The following ARHGEF38 variants were observed in gnomAD, a reference collection of about 807,000 sequenced individuals.
The protein encoded by ARHGEF38 is Rho guanine nucleotide exchange factor 38.
In ARHGEF38, 79 loss-of-function variants were observed where a neutral mutation model predicts 79.9. The observed-to-expected ratio is 0.99, with a 90% CI of 0.82 to 1.19. The LOEUF (loss-of-function observed/expected upper bound fraction) is 1.19. Among genes scored for constraint, ARHGEF38 ranks in the 50% most tolerant of loss-of-function variants. The pLI, the probability that ARHGEF38 is intolerant of heterozygous loss-of-function variation, is 0.00. For missense variants in ARHGEF38, 962 were observed against 907.2 expected (o/e 1.06, Z -0.78); for synonymous variants, 366 against 328.3 (o/e 1.11, Z -1.24).
intron 5 of ARHGEF38, among the ~76,000 whole-genome samples, chr4:105,640,075 A>G (rs1036485888): frequency 5.9e-5 from 9 of 151,960 alleles, no homozygotes; most frequent in Non-Finnish European, 4.4e-5. Flanking sequence ...CTTTTTAGAT[A>G]CTATCTTTAA....
At chr4:105,575,778 T>C (rs1208100639) in intron 1 of ARHGEF38, among the ~76,000 whole-genome samples, 7 of 152,170 alleles carry the variant, frequency 4.6e-5, no homozygotes, top group African/African-American at 1.7e-4. Context: ...TTTTTATGCT[T>C]TCAGCCCTAG....
chr4:105,626,981 A>C (rs2110511890), intron 3 of ARHGEF38, among the ~76,000 whole-genome samples: 1 of 151,988 alleles, frequency 6.6e-6, no homozygotes, highest in African/African-American at 2.4e-5. Flanking sequence ...TCAAAAGTAC[A>C]CTGTTATGAG....
At chr4:105,649,023 C>T (rs1729979798) in intron 7 of ARHGEF38, among the ~76,000 whole-genome samples, 2 of 152,152 alleles carry the variant, frequency 1.3e-5, no homozygotes, top group Non-Finnish European at 1.5e-5. Flanking sequence ...TATTCTCCCT[C>T]AAGGCAATGC....
intron 1 of ARHGEF38, among the ~76,000 whole-genome samples, chr4:105,586,000 G>A (rs1263559151): frequency 6.6e-5 from 10 of 151,858 alleles, no homozygotes. Context: ...CAAAGTGTTG[G>A]GATTACAGGC....
intron 2 of ARHGEF38, among the ~76,000 whole-genome samples, chr4:105,601,588 G>A (rs956670432): frequency 6.6e-6 from 1 of 152,104 alleles, no homozygotes; most frequent in African/African-American, 2.4e-5. Context: ...AGAACACATT[G>A]TCCTATGGGA....
chr4:105,599,278 T>A (rs17035915), intron 2 of ARHGEF38, among the ~76,000 whole-genome samples: 18,645 of 152,200 alleles, frequency 0.12, 1,210 homozygotes, highest in Middle Eastern at 0.2. Flanking sequence ...CCTAAGCTCC[T>A]TTTTAGGACA....
intron 4 of ARHGEF38, among the ~76,000 whole-genome samples, chr4:105,633,575 A>G (rs1315704018): frequency 6.6e-6 from 1 of 152,100 alleles, no homozygotes; most frequent in African/African-American, 2.4e-5. Flanking sequence ...GTGCAAGGGG[A>G]TATTGGAAAT....
At position 105,667,305 on chromosome 4, in the gene ARHGEF38, C is replaced by A. The variant is rs759003627; in HGVS notation, c.1866C>A (p.Ser622Arg). 6.5e-7 allele frequency: 1 copy of A among 1,536,088 alleles called. No homozygotes were observed. The highest frequency in any genetic ancestry group is 1.2e-5 in the South Asian group (1 of 83,998). The change falls in exon 12 of 14, where the codon AGC becomes AGA. Residue 622 changes from serine (S) to arginine (R), a missense_variant. Transcript: ENST00000420470. ...AGAAAGATCCACTGGGGAGTACAAG[C>A]AGGTGGCTTGTGGACACAGGAAGTA... ...IEQKDPLGST[S>R]RWLVDTGNVK...
intron 1 of ARHGEF38, among the ~76,000 whole-genome samples, chr4:105,574,706 C>T (rs1201127933): frequency 6.6e-6 from 1 of 151,834 alleles, no homozygotes; most frequent in East Asian, 1.9e-4. Flanking sequence ...CTTTCTATCC[C>T]TTGTTTGTTG....
At chr4:105,569,856 CT>C (rs927907071) in intron 1 of ARHGEF38, 1 of 152,180 alleles carries the variant, frequency 6.6e-6, no homozygotes. Flanking sequence ...AAAATGTTAG[CT>C]TTTATTATCA....
intron 1 of ARHGEF38, among the ~76,000 whole-genome samples, chr4:105,582,328 G>C (rs1355994064): frequency 2.7e-5 from 4 of 149,282 alleles, no homozygotes; most frequent in African/African-American, 9.9e-5. Context: ...ATTTAGTTAA[G>C]AGTCAAATCA....
chr4:105,587,397 C>T (rs778227202), intron 1 of ARHGEF38, among the ~76,000 whole-genome samples: 1 of 152,202 alleles, frequency 6.6e-6, no homozygotes, highest in Non-Finnish European at 1.5e-5. Flanking sequence ...ATATCTCATG[C>T]ATTCATTCTC....
chr4:105,645,964 A>G (rs962624573), intron 6 of ARHGEF38, among the ~76,000 whole-genome samples: 2 of 152,244 alleles, frequency 1.3e-5, no homozygotes, highest in Non-Finnish European at 2.9e-5. Flanking sequence ...TAAAATTTCA[A>G]AACAGAAGGG....
chr4:105,679,958 G>A lies in ARHGEF38; in HGVS notation c.*2021G>A. On this transcript the variant is annotated 3_prime_UTR_variant, in exon 14 of 14. Coordinates refer to ENST00000420470, the MANE Select transcript of ARHGEF38 (RefSeq NM_001242729.2). The stretch of plus-strand genomic sequence containing the variant: ...AAGCCTTTTAGTGTAATTTCTCTTT[G>A]TGACTGTGCAATGTCCCCATGTAAA... The A allele has an allele frequency of 7.4e-7, 1 of 1,352,758 alleles. No homozygotes were observed. The allele number at this position is 1,352,758 out of a possible 1,614,324, so 83.8% of individuals were successfully genotyped here.
intron 2 of ARHGEF38, among the ~76,000 whole-genome samples, chr4:105,597,286 A>T (rs1418145769): frequency 6.6e-6 from 1 of 152,230 alleles, no homozygotes; most frequent in Non-Finnish European, 1.5e-5. Flanking sequence ...TTGCCCACAT[A>T]ACAAATAGAA....
chr4:105,607,569 A>G (rs1429493242), intron 2 of ARHGEF38, among the ~76,000 whole-genome samples: 1 of 152,126 alleles, frequency 6.6e-6, no homozygotes, highest in African/African-American at 2.4e-5. Flanking sequence ...ATTAGTAAAT[A>G]TTTCTGATAA....
chr4:105,589,843 C>T (rs1727238943), intron 2 of ARHGEF38, among the ~76,000 whole-genome samples: 1 of 151,774 alleles, frequency 6.6e-6, no homozygotes, highest in Admixed American at 6.6e-5. Flanking sequence ...ACCAGCCTGG[C>T]CAACATGGTG....
At chr4:105,641,691 A>G (rs1729624007) in intron 5 of ARHGEF38, among the ~76,000 whole-genome samples, 1 of 152,006 alleles carries the variant, frequency 6.6e-6, no homozygotes, top group South Asian at 2.1e-4. Context: ...CCTTCCCATT[A>G]AGAAATATAG....
At chr4:105,567,858 G>A in intron 1 of ARHGEF38, among the ~76,000 whole-genome samples, 1 of 151,254 alleles carries the variant, frequency 6.6e-6, no homozygotes, top group Non-Finnish European at 1.5e-5. Context: ...GTATACATGT[G>A]CCACGCTGGT....
Sources: allele counts gnomAD v4.1 joint callset (sites outside exome capture counted in the v4.1 genomes callset), GRCh38; gene constraint gnomAD v4.1.1; transcripts MANE v1.5; gene names NCBI Gene and HGNC (gene_info 2026-07-23, HGNC 2026-07-21).